NCK2: variants seen among roughly 807,000 people sequenced by gnomAD.
NCK2 encodes the protein cytoplasmic protein NCK2.
A neutral mutation model predicts 33.9 loss-of-function variants in NCK2; 16 were observed. That is an observed-to-expected ratio of 0.47 (90% CI 0.32 to 0.72). The LOEUF (loss-of-function observed/expected upper bound fraction) is 0.72, where lower values mean the gene tolerates loss of function less well. NCK2 is among the 30% of genes least tolerant of loss of function. NCK2 has a pLI of 0.03. For synonymous variants in NCK2, 273 were observed against 239.9 expected (o/e 1.14, Z -1.27); for missense variants, 418 against 537.3 (o/e 0.78, Z 2.19).
At chr2:105,745,335 C>T (rs893632003) in intron 1 of NCK2, among the ~76,000 whole-genome samples, 197 bp downstream of exon 1, 2 of 151,716 alleles carry the variant, frequency 1.3e-5, no homozygotes, top group African/African-American at 4.8e-5. Flanking sequence ...GGGCACCTCC[C>T]GGCTCTGCAC....
rs117464963 is a variant in NCK2 at position 105,813,831 on chromosome 2, G to A, written c.-200-2599G>A. 2.0e-5 allele frequency among the ~76,000 whole-genome samples: 3 copies of A among 152,334 alleles called. No homozygotes were observed. The East Asian group carries it at 5.8e-4, about 29-fold the overall frequency. ...AGTGGTAAAATTTTGTAGTATTAAGGATCCACATTAAAATGAAGAGATACG... is the reference window on the plus strand; with the variant it reads ...AGTGGTAAAATTTTGTAGTATTAAGAATCCACATTAAAATGAAGAGATACG... On this transcript the variant is annotated intron_variant, in intron 1 of 4. Transcript: ENST00000233154.
chr2:105,797,484 G>C (rs11124059), intron 1 of NCK2, among the ~76,000 whole-genome samples: 36,563 of 152,194 alleles, frequency 0.24, 6,104 homozygotes, highest in African/African-American at 0.47. Context: ...CTGCCAGGCT[G>C]TGCGGGCTAG....
chr2:105,750,312 GTGACCTTTTTTAACCTTATTTA>G lies in NCK2; in HGVS notation c.-201+5193_-201+5214del, dbSNP rs1311717672. On this transcript the variant is annotated intron_variant, in intron 1 of 4. Coordinates refer to ENST00000233154, the MANE Select transcript of NCK2 (RefSeq NM_003581.5). ...GTTGGATGAGGGCCCCACCCTTATG[GTGACCTTTTTTAACCTTATTTA>G]TGACCTTTTTTAACCTTAATTGCCT... 2.0e-4 allele frequency among the ~76,000 whole-genome samples: 30 copies of G among 152,198 alleles called. No homozygotes were observed. The South Asian group carries it at 5.6e-3, about 29-fold the overall frequency.
At chr2:105,870,905 G>T (rs774938993) in intron 3 of NCK2, among the ~76,000 whole-genome samples, 6 of 152,078 alleles carry the variant, frequency 3.9e-5, no homozygotes, top group Non-Finnish European at 7.4e-5. Flanking sequence ...ACTGACATAC[G>T]GGTGTGTGAG....
intron 1 of NCK2, among the ~76,000 whole-genome samples, chr2:105,794,110 G>A (rs955434914): frequency 3.4e-5 from 5 of 146,242 alleles, no homozygotes; most frequent in East Asian, 2.0e-4. Context: ...GTGCAGTGGC[G>A]CCATTTTGGC....
chr2:105,880,721 G>T (rs58581494), intron 3 of NCK2, among the ~76,000 whole-genome samples: 7,768 of 152,222 alleles, frequency 0.051, 225 homozygotes, highest in South Asian at 0.084. Context: ...CTCTAAAAAT[G>T]GTTATTTCAG....
intron 1 of NCK2, among the ~76,000 whole-genome samples, chr2:105,767,929 T>G (rs977645761): frequency 6.6e-6 from 1 of 152,182 alleles, no homozygotes; most frequent in African/African-American, 2.4e-5. Flanking sequence ...CTCTCATCCT[T>G]AAGTAGTTGC....
chr2:105,774,630 G>A (rs554009339), intron 1 of NCK2, among the ~76,000 whole-genome samples: 1 of 152,144 alleles, frequency 6.6e-6, no homozygotes, highest in South Asian at 2.1e-4. Flanking sequence ...CACACACAAC[G>A]AACTCTAGAC....
At chr2:105,760,038 T>C (rs1263220451) in intron 1 of NCK2, among the ~76,000 whole-genome samples, 2 of 152,150 alleles carry the variant, frequency 1.3e-5, no homozygotes, top group Non-Finnish European at 2.9e-5. Flanking sequence ...GACTCCACTG[T>C]CAAGTGACTC....
At chr2:105,856,074 T>C (rs968644282) in intron 3 of NCK2, among the ~76,000 whole-genome samples, 2 of 151,992 alleles carry the variant, frequency 1.3e-5, no homozygotes, top group African/African-American at 4.8e-5. Flanking sequence ...GACCTTGTGA[T>C]CCGCCCACCT....
At chr2:105,798,298 G>A (rs754829118) in intron 1 of NCK2, among the ~76,000 whole-genome samples, 30 of 152,140 alleles carry the variant, frequency 2.0e-4, no homozygotes, top group Admixed American at 4.6e-4. Flanking sequence ...CTGGGAGCCC[G>A]GATAGCCTCA....
At chr2:105,887,373 G>C (rs929136382) in intron 4 of NCK2, among the ~76,000 whole-genome samples, 4 of 152,204 alleles carry the variant, frequency 2.6e-5, no homozygotes, top group Admixed American at 1.3e-4. Flanking sequence ...GATACAACTT[G>C]TGATAAGAAA....
chr2:105,769,652 T>TTAGAGTCA (rs1690063293), intron 1 of NCK2, among the ~76,000 whole-genome samples: 1 of 152,038 alleles, frequency 6.6e-6, no homozygotes, highest in African/African-American at 2.4e-5. Flanking sequence ...CATGGGGTAA[T>TTAGAGTCA]TAGAGTCATT....
At chr2:105,811,962 G>GTCA (rs1675308435) in intron 1 of NCK2, among the ~76,000 whole-genome samples, 1 of 152,110 alleles carries the variant, frequency 6.6e-6, no homozygotes, top group Non-Finnish European at 1.5e-5. Context: ...ACTCTAATCA[G>GTCA]TCACTTTTCT....
intron 2 of NCK2, among the ~76,000 whole-genome samples, chr2:105,826,417 C>A (rs1675946395): frequency 6.6e-6 from 1 of 152,118 alleles, no homozygotes; most frequent in South Asian, 2.1e-4. Context: ...CCTTCGAGGA[C>A]CAATTCTCTC....
intron 1 of NCK2, among the ~76,000 whole-genome samples, chr2:105,778,832 C>T (rs1458204743): frequency 6.6e-6 from 1 of 152,124 alleles, no homozygotes; most frequent in Non-Finnish European, 1.5e-5. Context: ...CAGTGATCCT[C>T]CTGCCTCAGC....
At chr2:105,761,493 C>A (rs1689762966) in intron 1 of NCK2, among the ~76,000 whole-genome samples, 1 of 152,126 alleles carries the variant, frequency 6.6e-6, no homozygotes, top group African/African-American at 2.4e-5. Flanking sequence ...CCACCCTTCC[C>A]AAACCATTAT....
Position 105,824,172 on chromosome 2 carries a change from ATG to A in NCK2, c.-17+7564_-17+7565del, listed in dbSNP as rs1053867763. Among the ~76,000 whole-genome samples the A allele has an allele frequency of 5.9e-5, 9 of 152,078 alleles. 1 individual carries two copies. Among genetic ancestry groups the A allele is most frequent in the African/African-American group, 2.2e-4 (9 of 41,318 alleles). On this transcript the variant is annotated intron_variant, in intron 2 of 4. Transcript: ENST00000233154. ...GCTTGTGATTGTTACCTTATTTCAC[ATG>A]TGTGAGTGCCCCCTCCCTTTATTGA...
chr2:105,811,707 G>A (rs1186968899), intron 1 of NCK2, among the ~76,000 whole-genome samples: 4 of 152,182 alleles, frequency 2.6e-5, no homozygotes, highest in Admixed American at 1.3e-4. Context: ...GATGCTTGCA[G>A]GCGGGTGCGG....
Sources: gnomAD v4.1 joint callset for allele counts (sites outside exome capture counted in the v4.1 genomes callset) on GRCh38, gnomAD v4.1.1 for gene constraint, MANE v1.5 for transcripts, NCBI Gene and HGNC (gene_info 2026-07-23, HGNC 2026-07-21) for gene names.